TRAK2: variants seen among roughly 807,000 people sequenced by gnomAD.
TRAK2 encodes the protein trafficking kinesin-binding protein 2.
A neutral mutation model predicts 104.6 loss-of-function variants in TRAK2; 81 were observed. That is an observed-to-expected ratio of 0.77 (90% confidence interval 0.65 to 0.93). TRAK2 has a LOEUF of 0.93. Among genes scored for constraint, TRAK2 ranks in the 40% least tolerant of loss-of-function variants. The pLI is 0.00. For missense variants in TRAK2, 1,002 were observed against 1,089.0 expected (o/e 0.92, Z 1.12); for synonymous variants, 406 against 394.4 (o/e 1.03, Z -0.35).
intron 2 of TRAK2, chr2:201,410,700 GC>G: frequency 7.3e-7 from 1 of 1,366,884 alleles, no homozygotes; most frequent in East Asian, 2.3e-5. Context: ...TTACTGAACT[GC>G]CCGTAGCTGG....
At chr2:201,410,352 A>C (rs1312618527) in intron 2 of TRAK2, among the ~76,000 whole-genome samples, 1 of 152,114 alleles carries the variant, frequency 6.6e-6, no homozygotes, top group Non-Finnish European at 1.5e-5. Flanking sequence ...AAGAGGAAAA[A>C]AATCCTCAGT....
chr2:201,380,292 C>A lies in TRAK2; in HGVS notation c.*251G>T. On this transcript the variant is annotated 3_prime_UTR_variant, in exon 16 of 16. Coordinates refer to ENST00000332624, the MANE Select transcript of TRAK2 (RefSeq NM_015049.3). ...TTATGTTCAAGACAAGAAAACTCAA[C>A]TGAAGGAGTATATTAAACCTTTCTT... 2.0e-6 allele frequency: 1 copy of A among 510,614 alleles called. No individual in the cohort carries two copies. The highest frequency in any genetic ancestry group is 3.5e-6 in the Non-Finnish European group (1 of 286,242). 31.6% of individuals were successfully genotyped at this position (510,614 alleles called of 1,614,324 possible).
Position 201,384,212 on chromosome 2 carries a change from T to C in TRAK2, c.1968A>G (p.Ala656=). 1 of 1,611,894 alleles carries C rather than the reference T, an allele frequency of 6.2e-7. No homozygotes were observed. The highest frequency in any genetic ancestry group is 8.5e-7 in the Non-Finnish European group (1 of 1,179,080). Residue 656 remains alanine, a synonymous_variant, in exon 15 of 16, where the codon GCA becomes GCG. Transcript: ENST00000332624. ...ITSAGGPVTV[A]TANPGKCLSC... is the part of the protein sequence containing the mutation. Reference sequence around the variant, plus strand: ...ACAGGCACTTTCCTGGGTTGGCGGTTGCAACTGAAATAGATTTTTAGGGAG... The same window carrying C: ...ACAGGCACTTTCCTGGGTTGGCGGTCGCAACTGAAATAGATTTTTAGGGAG...
intron 1 of TRAK2, among the ~76,000 whole-genome samples, chr2:201,449,973 G>A (rs1306779037): frequency 2.0e-5 from 3 of 152,060 alleles, no homozygotes; most frequent in Non-Finnish European, 4.4e-5. Flanking sequence ...GATTACAGGA[G>A]TGAGCCACAG....
intron 1 of TRAK2, among the ~76,000 whole-genome samples, chr2:201,429,233 C>A (rs1951819765): frequency 2.0e-5 from 3 of 152,168 alleles, no homozygotes; most frequent in Admixed American, 2.0e-4. Flanking sequence ...AGAGGGCATC[C>A]CTGTCTTGTG....
At chr2:201,393,102 A>G in intron 9 of TRAK2, 56 bp from the exon 10 acceptor site, 1 of 1,525,046 alleles carries the variant, frequency 6.6e-7, no homozygotes, top group Non-Finnish European at 8.8e-7. Flanking sequence ...CATTAGGGAA[A>G]AAAAACCCGA....
rs149943547 is a variant in TRAK2, at chr2:201,414,836, C to T, written c.91+5581G>A. Among the ~76,000 whole-genome samples, 223 of 75,978 alleles carry T rather than the reference C, an allele frequency of 2.9e-3. 2 individuals are homozygous for T. Among genetic ancestry groups the T allele is most frequent in the African/African-American group, 7.3e-3 (214 of 29,312 alleles). 49.8% of individuals were successfully genotyped at this position (75,978 alleles called of 152,430 possible). ...TAAAAACAGACTATTAGGTATTCAA[C>T]GGTATAGTGGAGATGAAGAACAAAA... On this transcript the variant is annotated intron_variant, in intron 2 of 15. Transcript: ENST00000332624.
intron 7 of TRAK2, among the ~76,000 whole-genome samples, 176 bp from the exon 8 acceptor site, chr2:201,395,620 G>C (rs1456026223): frequency 6.6e-6 from 1 of 152,064 alleles, no homozygotes; most frequent in East Asian, 1.9e-4. Flanking sequence ...AAGTTCTTCT[G>C]AAATAGGCAA....
chr2:201,443,210 C>T (rs1199577443), intron 1 of TRAK2, among the ~76,000 whole-genome samples: 2 of 152,210 alleles, frequency 1.3e-5, no homozygotes, highest in African/African-American at 4.8e-5. Flanking sequence ...CATACCTCAA[C>T]CCCACTACAA....
intron 3 of TRAK2, among the ~76,000 whole-genome samples, chr2:201,401,481 G>A (rs1035526725): frequency 6.6e-6 from 1 of 152,154 alleles, no homozygotes; most frequent in African/African-American, 2.4e-5. Context: ...AGGGGTATCA[G>A]TGAGGGGTTA....
chr2:201,412,037 A>G, intron 2 of TRAK2: 1 of 1,067,056 alleles, frequency 9.4e-7, no homozygotes, highest in Non-Finnish European at 1.5e-6. Context: ...TTTTTGTAGG[A>G]AAATTAACAA....
chr2:201,448,122 C>G (rs139786933), intron 1 of TRAK2, among the ~76,000 whole-genome samples: 67 of 152,356 alleles, frequency 4.4e-4, no homozygotes, highest in African/African-American at 1.4e-3. Flanking sequence ...CCACAGTTTA[C>G]TTATCTGTGA....
intron 2 of TRAK2, among the ~76,000 whole-genome samples, chr2:201,408,589 C>T (rs961817812): frequency 7.2e-5 from 11 of 152,218 alleles, no homozygotes; most frequent in East Asian, 1.9e-4. Flanking sequence ...CTATTTAGTA[C>T]GGTTTAAAAG....
intron 1 of TRAK2, among the ~76,000 whole-genome samples, chr2:201,422,049 C>CAAAAAAAAAAAAAAAAAA: frequency 1.1e-5 from 1 of 91,134 alleles, no homozygotes; most frequent in Non-Finnish European, 2.2e-5. Context: ...GACTCTGTCT[C>CAAAAAAAAAAAAAAAAAA]AAAAAAAAAA....
At chr2:201,386,119 A>G (rs1161240834) in intron 14 of TRAK2, 99 bp downstream of exon 14, 3 of 1,282,216 alleles carry the variant, frequency 2.3e-6, no homozygotes, top group Non-Finnish European at 2.2e-6. Flanking sequence ...AAGATTAAGT[A>G]CCCTCCAGTG....
intron 4 of TRAK2, among the ~76,000 whole-genome samples, chr2:201,400,222 G>A (rs898481327): frequency 1.3e-5 from 2 of 151,904 alleles, no homozygotes; most frequent in Admixed American, 6.6e-5. Context: ...GTGATACTTC[G>A]CAAGGGCATA....
intron 9 of TRAK2, among the ~76,000 whole-genome samples, chr2:201,394,053 G>C (rs1951473972): frequency 6.6e-6 from 1 of 151,826 alleles, no homozygotes; most frequent in Non-Finnish European, 1.5e-5. Flanking sequence ...CTTGGCTCCA[G>C]GTGATACTAA....
In TRAK2 at chr2:201,400,930, A is replaced by AT. The variant is rs1951545185; in HGVS notation, c.363+87dup. 6 of 1,016,020 alleles carry AT rather than the reference A, an allele frequency of 5.9e-6. No individual in the cohort carries two copies. The South Asian group carries it at 8.5e-5, about 14-fold the overall frequency. 62.9% of individuals were successfully genotyped at this position (1,016,020 alleles called of 1,614,324 possible). Reference sequence around the variant, plus strand: ...CAAAATAACCCAGAGCACGTACAACATTTTCCATTTGATGTGCAAATTTGA... The same window carrying AT: ...CAAAATAACCCAGAGCACGTACAACATTTTTCCATTTGATGTGCAAATTTGA... On this transcript the variant is annotated intron_variant, in intron 4 of 15. Transcript: ENST00000332624.
At chr2:201,407,073 T>C (rs1951600786) in intron 3 of TRAK2, among the ~76,000 whole-genome samples, 1 of 152,224 alleles carries the variant, frequency 6.6e-6, no homozygotes, top group Non-Finnish European at 1.5e-5. Context: ...ACTACTGGGA[T>C]AATAAATGTT....
Sources: gnomAD v4.1 joint callset for allele counts (sites outside exome capture counted in the v4.1 genomes callset) on GRCh38, gnomAD v4.1.1 for gene constraint, MANE v1.5 for transcripts, NCBI Gene and HGNC (gene_info 2026-07-23, HGNC 2026-07-21) for gene names.